Variants in PLEKHA7 observed in about 807,000 individuals in gnomAD.
PLEKHA7 encodes pleckstrin homology domain containing A7.
PLEKHA7 carries 104 observed loss-of-function variants against 170.0 expected under a neutral mutation model. That is an observed-to-expected ratio of 0.61 (90% CI 0.52 to 0.72). The LOEUF (loss-of-function observed/expected upper bound fraction) is 0.72. Among genes scored for constraint, PLEKHA7 ranks in the 30% least tolerant of loss-of-function variants. PLEKHA7 has a pLI of 0.00. For missense variants in PLEKHA7, 1,615 were observed against 1,671.7 expected (o/e 0.97, Z 0.59); for synonymous variants, 648 against 660.8 (o/e 0.98, Z 0.30).
In PLEKHA7 at chr11:16,971,904, A is replaced by G. The variant is rs558245358; in HGVS notation, c.221+42085T>C. On this transcript the variant is annotated intron_variant, in intron 3 of 26. Coordinates refer to ENST00000531066, the MANE Select transcript of PLEKHA7 (RefSeq NM_001329630.2). Reference sequence around the variant, plus strand: ...AGTGGCACCATCTCAGCTTACTGCAACCTCTGCCTCCTGGGTTCAGGTGAT... The same window carrying G: ...AGTGGCACCATCTCAGCTTACTGCAGCCTCTGCCTCCTGGGTTCAGGTGAT... Among the ~76,000 whole-genome samples the G allele has an allele frequency of 4.0e-4, 60 of 149,158 alleles. 1 individual carries two copies. In the South Asian group the frequency reaches 0.011, roughly 27 times the overall value.
At chr11:16,851,083 C>A in intron 8 of PLEKHA7, 108 bp downstream of exon 8, 1 of 733,756 alleles carries the variant, frequency 1.4e-6, no homozygotes, top group South Asian at 2.9e-5. Context: ...GAATCTGAAA[C>A]TCTCTAGCTT....
intron 3 of PLEKHA7, among the ~76,000 whole-genome samples, chr11:16,906,705 C>T (rs177549): frequency 0.064 from 7,273 of 114,154 alleles, 220 homozygotes; most frequent in African/African-American, 0.17. Flanking sequence ...CCTGCCTTGG[C>T]CCCCCAAAGT....
At chr11:16,869,532 G>A (rs1854662231) in intron 4 of PLEKHA7, among the ~76,000 whole-genome samples, 1 of 152,226 alleles carries the variant, frequency 6.6e-6, no homozygotes, top group Non-Finnish European at 1.5e-5. Flanking sequence ...CAGAGCATAT[G>A]TGCAAGGATG....
chr11:16,991,566 A>G (rs1337523243), intron 3 of PLEKHA7, among the ~76,000 whole-genome samples: 1 of 152,166 alleles, frequency 6.6e-6, no homozygotes, highest in Non-Finnish European at 1.5e-5. Flanking sequence ...AACAGTCCAG[A>G]CAGAGGGGAC....
chr11:16,890,523 A>T (rs140727826), intron 3 of PLEKHA7, among the ~76,000 whole-genome samples: 1 of 152,388 alleles, frequency 6.6e-6, no homozygotes, highest in East Asian at 1.9e-4. Flanking sequence ...CTTTAAATCA[A>T]TAACAGTAAA....
chr11:16,845,543 T>A (rs1852326635), intron 8 of PLEKHA7, among the ~76,000 whole-genome samples: 1 of 152,094 alleles, frequency 6.6e-6, no homozygotes, highest in African/African-American at 2.4e-5. Flanking sequence ...ATTTTTGTAT[T>A]TTTTGTAGAG....
At chr11:16,849,759 T>C (rs1016305088) in intron 8 of PLEKHA7, among the ~76,000 whole-genome samples, 1 of 152,182 alleles carries the variant, frequency 6.6e-6, no homozygotes, top group South Asian at 2.1e-4. Context: ...GTCACATGTA[T>C]CAAAGTACTT....
intron 3 of PLEKHA7, among the ~76,000 whole-genome samples, chr11:16,900,630 T>A (rs1857268198): frequency 6.6e-6 from 1 of 152,150 alleles, no homozygotes; most frequent in Non-Finnish European, 1.5e-5. Flanking sequence ...ATTGTGATCA[T>A]TAACAACTGG....
rs764507930 is a variant in PLEKHA7 at position 16,801,015 on chromosome 11, G to T, written c.2368C>A (p.Gln790Lys). ...KLENDVEQLK[Q>K]TLQEQHRRAF... ...CTTCTGTGTTGCTCCTGCAGGGTCT[G>T]CTTCAGCTGTTCCACATCATTCTCC... Residue 790 changes from glutamine to lysine, a missense_variant, in exon 17 of 27, where the codon CAG (glutamine) becomes AAG (lysine). Physicochemically the swap from Gln to Lys is moderately conservative, Grantham distance 53. Coordinates refer to ENST00000531066, the MANE Select transcript of PLEKHA7 (RefSeq NM_001329630.2). The T allele has an allele frequency of 1.2e-6, 2 of 1,614,252 alleles. No homozygotes were observed.
intron 3 of PLEKHA7, among the ~76,000 whole-genome samples, chr11:17,004,957 G>T (rs191118834): frequency 6.6e-6 from 1 of 152,308 alleles, no homozygotes; most frequent in Non-Finnish European, 1.5e-5. Context: ...AGTTTGCTGA[G>T]ATGATGCTGT....
At chr11:16,997,362 T>G (rs1159263191) in intron 3 of PLEKHA7, among the ~76,000 whole-genome samples, 1 of 152,172 alleles carries the variant, frequency 6.6e-6, no homozygotes. Flanking sequence ...AGTCTCAAAA[T>G]GCCAAACCCT....
chr11:16,808,944 G>A (rs968964353), intron 13 of PLEKHA7, among the ~76,000 whole-genome samples: 1 of 152,188 alleles, frequency 6.6e-6, no homozygotes, highest in South Asian at 2.1e-4. Flanking sequence ...TAACTTTGCA[G>A]AAGTTACTTT....
chr11:16,845,182 T>C (rs397343), intron 8 of PLEKHA7, among the ~76,000 whole-genome samples: 15,959 of 152,184 alleles, frequency 0.1, 908 homozygotes, highest in East Asian at 0.16. Flanking sequence ...CCACAGTGTG[T>C]TCATCTTCAA....
chr11:16,782,216 T>C (rs1014360136), intron 26 of PLEKHA7, among the ~76,000 whole-genome samples: 3 of 152,034 alleles, frequency 2.0e-5, no homozygotes, highest in East Asian at 1.9e-4. Flanking sequence ...TTTTTTCCAA[T>C]TGGACTGCAA....
At chr11:16,978,430 G>A (rs1863203305) in intron 3 of PLEKHA7, among the ~76,000 whole-genome samples, 2 of 152,164 alleles carry the variant, frequency 1.3e-5, no homozygotes, top group Admixed American at 6.5e-5. Context: ...GGAAAGAGGT[G>A]TAGCAGGCCT....
At chr11:16,922,845 C>T (rs967668905) in intron 3 of PLEKHA7, among the ~76,000 whole-genome samples, 2 of 152,180 alleles carry the variant, frequency 1.3e-5, no homozygotes, top group Admixed American at 6.5e-5. Context: ...GAGAGACAGG[C>T]TGCCCCTTTC....
At chr11:16,971,449 A>G (rs556134275) in intron 3 of PLEKHA7, among the ~76,000 whole-genome samples, 1 of 152,316 alleles carries the variant, frequency 6.6e-6, no homozygotes, top group East Asian at 1.9e-4. Flanking sequence ...GTTTGGTTTG[A>G]TTTCTGAAAT....
intron 3 of PLEKHA7, among the ~76,000 whole-genome samples, chr11:16,873,652 T>C (rs1419997898): frequency 6.6e-6 from 1 of 152,210 alleles, no homozygotes; most frequent in African/African-American, 2.4e-5. Flanking sequence ...AGGGTTAGGC[T>C]TTATTTACAC....
At chr11:16,870,582 A>G (rs1197083012) in intron 4 of PLEKHA7, among the ~76,000 whole-genome samples, 1 of 150,260 alleles carries the variant, frequency 6.7e-6, no homozygotes, top group East Asian at 2.0e-4. Context: ...GTGAGCCAAG[A>G]TTGTGCCACT....
Sources: allele counts gnomAD v4.1 joint callset (sites outside exome capture counted in the v4.1 genomes callset), GRCh38; gene constraint gnomAD v4.1.1; transcripts MANE v1.5; gene names NCBI Gene and HGNC (gene_info 2026-07-23, HGNC 2026-07-21).